The following ZNF479 variants were observed in gnomAD, a reference collection of about 807,000 sequenced individuals.
ZNF479 encodes KRAB zinc finger protein KR19.
A neutral mutation model predicts 14.7 loss-of-function variants in ZNF479; 15 were observed. The observed-to-expected ratio is 1.02, with a 90% CI of 0.68 to 1.57. The LOEUF is 1.57. Among genes scored for constraint, ZNF479 ranks in the 40% most tolerant of loss-of-function variants. The pLI is 0.00. For missense variants in ZNF479, 506 were observed against 615.1 expected, an observed-to-expected ratio of 0.82 and a Z score of 1.88; for synonymous variants, 145 against 211.5, an observed-to-expected ratio of 0.69 and a Z score of 2.73.
rs138413317 is a variant in ZNF479, at chr7:57,128,132, T to C, written c.40-1414A>G. Among the ~76,000 whole-genome samples the C allele has an allele frequency of 6.7e-3, 1,019 of 152,080 alleles. 10 individuals are homozygous for C. Among genetic ancestry groups the C allele is most frequent in the African/African-American group, 0.023 (952 of 41,508 alleles). ...GTATTTTTTTTTAGTAGAGATGTTG[T>C]TCCACCATGTTGGTCAGGCTGGCCT... On this transcript the variant is annotated intron_variant, in intron 1 of 3. Transcript: ENST00000319636.
chr7:57,137,134 A>T (rs960562058), upstream of ZNF479, among the ~76,000 whole-genome samples: 12 of 152,120 alleles, frequency 7.9e-5, no homozygotes, highest in African/African-American at 2.7e-4. Context: ...AATTTTTTTT[A>T]AAAAGAGCAT....
intron 1 of ZNF479, among the ~76,000 whole-genome samples, chr7:57,128,140 T>C (rs1259594184): frequency 1.3e-5 from 2 of 152,036 alleles, no homozygotes; most frequent in Admixed American, 6.6e-5. Context: ...TGTTCCACCA[T>C]GTTGGTCAGG....
chr7:57,134,320 C>T (rs1786550102), upstream of ZNF479, among the ~76,000 whole-genome samples: 1 of 152,150 alleles, frequency 6.6e-6, no homozygotes, highest in Admixed American at 6.5e-5. Flanking sequence ...TGATTGTCCT[C>T]AGGAATCATT....
chr7:57,132,176 C>T (rs1010235155), intron 1 of ZNF479, 110 bp downstream of exon 1: 3 of 1,592,058 alleles, frequency 1.9e-6, no homozygotes, highest in African/African-American at 1.3e-5. Flanking sequence ...GGATTTGGGT[C>T]GGCAGGCCCT....
At chr7:57,128,636 T>A (rs1786285652) in intron 1 of ZNF479, among the ~76,000 whole-genome samples, 1 of 152,120 alleles carries the variant, frequency 6.6e-6, no homozygotes, top group Non-Finnish European at 1.5e-5. Flanking sequence ...TATACAAGAA[T>A]CCAAGATGAA....
chr7:57,128,464 T>G (rs1421588810), intron 1 of ZNF479, among the ~76,000 whole-genome samples: 1 of 152,220 alleles, frequency 6.6e-6, no homozygotes, highest in South Asian at 2.1e-4. Flanking sequence ...AGCACACAGA[T>G]GAAACCTCAA....
Position 57,132,395 on chromosome 7 carries a change from T to G in ZNF479, c.-71A>C, listed in dbSNP as rs1251205672. On this transcript the variant is annotated 5_prime_UTR_variant, in exon 1 of 4. Transcript: ENST00000319636. The stretch of plus-strand genomic sequence containing the variant: ...TCTAGGAGCAGAGGACACAGAGCAG[T>G]GAAGAGGAGAACTGCAGCTCTGGAC... 1.8e-5 allele frequency: 29 copies of G among 1,611,168 alleles called. No homozygotes were observed. The highest frequency in any genetic ancestry group is 1.7e-4 in the Middle Eastern group (1 of 6,044).
At chr7:57,134,839 T>C (rs1285973805), upstream of ZNF479, among the ~76,000 whole-genome samples, 1 of 152,024 alleles carries the variant, frequency 6.6e-6, no homozygotes, top group Non-Finnish European at 1.5e-5. Flanking sequence ...CATGCCCGGC[T>C]AATTTTTTTA....
chr7:57,119,054 AG>A lies in ZNF479; in HGVS notation c.*785del, dbSNP rs1785789855. On this transcript the variant is annotated 3_prime_UTR_variant, in exon 4 of 4. Transcript: ENST00000319636. The stretch of plus-strand genomic sequence containing the variant: ...TGAGTAAGCATGGAGAACCAGTTAA[AG>A]GGTTTGCCACATTTTTTTCTGCAAT... Among the ~76,000 whole-genome samples the A allele has an allele frequency of 6.6e-6, 1 of 152,194 alleles. No homozygotes were observed. The highest frequency in any genetic ancestry group is 1.5e-5 in the Non-Finnish European group (1 of 68,032).
chr7:57,137,334 T>C (rs967871587), upstream of ZNF479, among the ~76,000 whole-genome samples: 3 of 151,866 alleles, frequency 2.0e-5, no homozygotes, highest in East Asian at 1.9e-4. Flanking sequence ...TACTAAATAC[T>C]AAAAAAGAAA....
intron 3 of ZNF479, among the ~76,000 whole-genome samples, chr7:57,121,447 C>G (rs1314499551): frequency 1.3e-5 from 2 of 152,116 alleles, no homozygotes; most frequent in African/African-American, 4.8e-5. Flanking sequence ...TTCCTCATGC[C>G]CAGTAGAAGA....
chr7:57,130,793 C>T (rs1786380472), intron 1 of ZNF479, among the ~76,000 whole-genome samples: 1 of 152,154 alleles, frequency 6.6e-6, no homozygotes, highest in African/African-American at 2.4e-5. Context: ...ACCATGAAGA[C>T]ACATGCACGC....
rs782122023 is a variant in ZNF479, at chr7:57,119,825, G to A, written c.*15C>T. On this transcript the variant is annotated 3_prime_UTR_variant, in exon 4 of 4. Coordinates refer to ENST00000319636, the MANE Select transcript of ZNF479 (RefSeq NM_001370129.2). ...ATTTTATGTATTATAAGGCCTGAGG[G>A]TGGACTTTGCCATATTATTCACATT... 4.4e-6 allele frequency: 7 copies of A among 1,604,620 alleles called. No individual in the cohort carries two copies. Among genetic ancestry groups the A allele is most frequent in the East Asian group, 2.2e-5 (1 of 44,534 alleles).
intron 1 of ZNF479, among the ~76,000 whole-genome samples, chr7:57,139,226 C>T (rs72499866): frequency 0.16 from 24,694 of 152,136 alleles, 2,032 homozygotes; most frequent in Admixed American, 0.19. Flanking sequence ...CTCCTTACAA[C>T]GTCCTCAATC....
intron 3 of ZNF479, among the ~76,000 whole-genome samples, chr7:57,122,464 A>G (rs1338764129): frequency 6.6e-6 from 1 of 151,998 alleles, no homozygotes; most frequent in Non-Finnish European, 1.5e-5. Flanking sequence ...TCTGAAAAAC[A>G]TATGCATATA....
upstream of ZNF479, among the ~76,000 whole-genome samples, chr7:57,133,546 C>G (rs1786523319): frequency 1.3e-5 from 2 of 152,096 alleles, no homozygotes; most frequent in Non-Finnish European, 2.9e-5. Context: ...TTTGAATTTT[C>G]TAGTAGCCAA....
rs1337386885 is a variant in ZNF479 at position 57,131,574 on chromosome 7, ACAAAC to A, written c.39+707_39+711del. Among the ~76,000 whole-genome samples, 92 of 133,908 alleles carry A rather than the reference ACAAAC, an allele frequency of 6.9e-4. 14 individuals are homozygous for A. The highest frequency in any genetic ancestry group is 1.1e-3 in the Non-Finnish European group (68 of 60,888). The allele number at this position is 133,908 out of a possible 152,430, so 87.8% of individuals were successfully genotyped here. A position where few individuals can be genotyped will look rare whatever the true frequency, so the allele number is the denominator to read the frequency against. Reference sequence around the variant, plus strand: ...CGAGACTCCCTCTCAAAAATAAAAAACAAACAAACAAACAAAAAAAAAACATTTCT... The same window carrying A: ...CGAGACTCCCTCTCAAAAATAAAAAAAAACAAACAAAAAAAAAACATTTCT... On this transcript the variant is annotated intron_variant, in intron 1 of 3. Coordinates refer to ENST00000319636, the MANE Select transcript of ZNF479 (RefSeq NM_001370129.2).
rs373139776 is a variant in ZNF479, at chr7:57,120,493, C to T, written c.922G>A (p.Val308Ile). The change falls in exon 4 of 4, where the codon GTA (valine) becomes ATA (isoleucine). Residue 308 changes from valine (V) to isoleucine (I), a missense_variant. Val to Ile is a conservative substitution (Grantham distance 29). Around this residue, in one of 3 missense-constraint regions of ZNF479, gnomAD observed 420 missense variants for 474.2 expected, o/e 0.89. Coordinates refer to ENST00000319636, the MANE Select transcript of ZNF479 (RefSeq NM_001370129.2). ...TTGTGGTCAGTGAGGGTTGAGGATA[C>T]GCTAAAGGCTTTGCCACATTCTTCA... ...KCEECGKAFS[V>I]SSTLTDHKRI... The T allele has an allele frequency of 1.7e-4, 261 of 1,533,788 alleles. 1 individual carries two copies. In the East Asian group the frequency reaches 3.2e-3, roughly 19 times the overall value.
Position 57,120,446 on chromosome 7 carries a change from T to A in ZNF479, c.969A>T (p.Lys323Asn). The A allele has an allele frequency of 2.5e-6, 4 of 1,612,110 alleles. No homozygotes were observed. Among genetic ancestry groups the A allele is most frequent in the Non-Finnish European group, 3.4e-6 (4 of 1,179,460 alleles). ...TDHKRIHTGE[K>N]PCRCEECGKA... ...TGCCACATTCCTCACACCTGCAGGG[T>A]TTCTCTCCAGTATGAATTCTCTTGT... The change falls in exon 4 of 4, where the codon AAA becomes AAT. Residue 323 changes from lysine to asparagine, a missense_variant. Lys to Asn is a moderately conservative substitution (Grantham distance 94, BLOSUM62 0). Coordinates refer to ENST00000319636, the MANE Select transcript of ZNF479 (RefSeq NM_001370129.2).
Sources: gnomAD v4.1 joint callset for allele counts (sites outside exome capture counted in the v4.1 genomes callset) on GRCh38, gnomAD v4.1.1 for gene constraint, gnomAD v4.1.1 regional missense constraint, MANE v1.5 for transcripts, NCBI Gene and HGNC (gene_info 2026-07-23, HGNC 2026-07-21) for gene names.